Variants in NAPG observed in about 807,000 individuals in gnomAD.
NAPG encodes NSF attachment protein gamma.
NAPG carries 25 observed loss-of-function variants against 48.4 expected under a neutral mutation model. The observed-to-expected ratio is 0.52, with a 90% CI of 0.38 to 0.72. NAPG has a LOEUF of 0.72. Among genes scored for constraint, NAPG ranks in the 30% least tolerant of loss-of-function variants. The pLI is 0.00. For synonymous variants in NAPG, 139 were observed against 127.2 expected, an observed-to-expected ratio of 1.09 and a Z score of -0.62; for missense variants, 359 against 372.5, an observed-to-expected ratio of 0.96 and a Z score of 0.30.
intron 1 of NAPG, 111 bp downstream of exon 1, chr18:10,526,269 C>A: frequency 1.3e-6 from 1 of 771,476 alleles, no homozygotes; most frequent in Non-Finnish European, 2.1e-6. Context: ...TGAGGGGCCT[C>A]GGCGCGCTGG....
intron 1 of NAPG, among the ~76,000 whole-genome samples, chr18:10,530,437 G>A (rs949382055): frequency 6.6e-6 from 1 of 151,936 alleles, no homozygotes; most frequent in African/African-American, 2.4e-5. Context: ...GCACCTTTGA[G>A]CTCGTTAAAC....
chr18:10,533,759 CATA>C (rs1420200118), intron 4 of NAPG, among the ~76,000 whole-genome samples: 1 of 151,874 alleles, frequency 6.6e-6, no homozygotes, highest in Non-Finnish European at 1.5e-5. Flanking sequence ...TTAAATTTGC[CATA>C]ATATTTTATT....
At position 10,533,521 on chromosome 18, in the gene NAPG, G is replaced by T; in HGVS notation, c.210-15G>T. The stretch of plus-strand genomic sequence containing the variant: ...TTCTTTTTTCCTTAACTTTGACTTC[G>T]TTACTTCCATTCAGTCTTTTTCATG... On this transcript the variant is annotated splice_polypyrimidine_tract_variant and intron_variant, in intron 3 of 11. Transcript: ENST00000322897. 1.3e-6 allele frequency: 2 copies of T among 1,588,840 alleles called. No individual in the cohort carries two copies. Among genetic ancestry groups the T allele is most frequent in the Non-Finnish European group, 1.7e-6 (2 of 1,169,020 alleles).
At chr18:10,545,466 A>G (rs2032243697) in intron 8 of NAPG, among the ~76,000 whole-genome samples, 1 of 152,208 alleles carries the variant, frequency 6.6e-6, no homozygotes, top group Non-Finnish European at 1.5e-5. Flanking sequence ...TGTATTCCCA[A>G]TGCCCAGACC....
intron 8 of NAPG, among the ~76,000 whole-genome samples, chr18:10,545,050 G>A (rs1232329098): frequency 1.3e-5 from 2 of 152,110 alleles, no homozygotes; most frequent in Middle Eastern, 3.2e-3. Context: ...GGTGGCTCAC[G>A]TCTATAATCC....
chr18:10,537,336 G>T (rs1241705916), intron 5 of NAPG, among the ~76,000 whole-genome samples: 1 of 152,188 alleles, frequency 6.6e-6, no homozygotes, highest in African/African-American at 2.4e-5. Context: ...GTTTTATACT[G>T]TATTCTTAGA....
intron 5 of NAPG, among the ~76,000 whole-genome samples, chr18:10,537,628 A>G (rs1370547187): frequency 6.6e-6 from 1 of 152,248 alleles, no homozygotes; most frequent in Non-Finnish European, 1.5e-5. Context: ...AATGACCCTC[A>G]GGACTAATGT....
chr18:10,528,976 CT>C (rs1213351601), intron 1 of NAPG, among the ~76,000 whole-genome samples: 1 of 152,108 alleles, frequency 6.6e-6, no homozygotes, highest in Middle Eastern at 3.2e-3. Flanking sequence ...TTGCTGTTTT[CT>C]TTTTTTCTGT....
intron 1 of NAPG, among the ~76,000 whole-genome samples, chr18:10,527,699 C>G (rs868412473): frequency 2.3e-4 from 34 of 150,484 alleles, no homozygotes; most frequent in African/African-American, 7.5e-4. Context: ...AGATTCTGTG[C>G]GCAACCTGTA....
chr18:10,529,657 G>A (rs567810444), intron 1 of NAPG, among the ~76,000 whole-genome samples: 2 of 152,312 alleles, frequency 1.3e-5, no homozygotes, highest in South Asian at 4.1e-4. Context: ...GGAGGCTGAG[G>A]CACGAGAGTC....
chr18:10,538,286 G>A (rs143957652), intron 5 of NAPG, among the ~76,000 whole-genome samples: 66 of 152,250 alleles, frequency 4.3e-4, no homozygotes, highest in Middle Eastern at 3.4e-3. Flanking sequence ...AGTGAAGAGC[G>A]GGGAGAAGCG....
chr18:10,549,227 T>C, intron 11 of NAPG, 131 bp downstream of exon 11: 1 of 1,043,414 alleles, frequency 9.6e-7, no homozygotes, highest in South Asian at 1.7e-5. Flanking sequence ...CTACTACTCA[T>C]AAGGAAACTG....
At position 10,543,232 on chromosome 18, in the gene NAPG, A is replaced by C. The variant is rs965857161; in HGVS notation, c.506+2833A>C. Among the ~76,000 whole-genome samples, 4 of 152,142 alleles carry C rather than the reference A, an allele frequency of 2.6e-5. No homozygotes were observed. The East Asian group carries it at 7.7e-4, about 29-fold the overall frequency. The stretch of plus-strand genomic sequence containing the variant: ...AGAGAAGGTCTATGCCTCTGAGACA[A>C]GGTGTGTGGTCTCAGTGAACCCAAA... On this transcript the variant is annotated intron_variant, in intron 8 of 11. Coordinates refer to ENST00000322897, the MANE Select transcript of NAPG (RefSeq NM_003826.3). The surrounding 1 kb of genome is among the most constrained non-coding windows in gnomAD (Gnocchi z 4.4).
In NAPG at chr18:10,549,408, A is replaced by T. The variant is rs2032339375; in HGVS notation, c.795+312A>T. Among the ~76,000 whole-genome samples the T allele has an allele frequency of 2.6e-5, 4 of 152,076 alleles. 1 individual carries two copies. The South Asian group carries it at 6.2e-4, about 24-fold the overall frequency. On this transcript the variant is annotated intron_variant, in intron 11 of 11. Transcript: ENST00000322897. The stretch of plus-strand genomic sequence containing the variant: ...TGTCCTCTGTAGGTTGCTTTTATTC[A>T]TTTCTTTTAGACGGACTCTCTGAAA...
rs1431581901 is a variant in NAPG, at chr18:10,533,456, CTG to C, written c.210-78_210-77del. Reference sequence around the variant, plus strand: ...CCAACTGGGTCAGTGATTTAGTTAACTGTCTTTAAATAGTTGATCTATAGAAA... The same window carrying C: ...CCAACTGGGTCAGTGATTTAGTTAACTCTTTAAATAGTTGATCTATAGAAA... On this transcript the variant is annotated intron_variant, in intron 3 of 11. Transcript: ENST00000322897. 71 of 1,291,442 alleles carry C rather than the reference CTG, an allele frequency of 5.5e-5. No individual in the cohort carries two copies. The East Asian group carries it at 1.6e-3, about 29-fold the overall frequency. The allele number at this position is 1,291,442 out of a possible 1,614,324, so 80.0% of individuals were successfully genotyped here. A position where few individuals can be genotyped will look rare whatever the true frequency, so the allele number is the denominator to read the frequency against.
intron 1 of NAPG, among the ~76,000 whole-genome samples, chr18:10,528,042 C>T (rs693679): frequency 0.33 from 50,568 of 151,860 alleles, 8,524 homozygotes; most frequent in East Asian, 0.41. Flanking sequence ...AAAAATTAGC[C>T]GGCTGTGGTG....
chr18:10,536,994 T>C (rs1410960511), intron 5 of NAPG, among the ~76,000 whole-genome samples: 1 of 151,782 alleles, frequency 6.6e-6, no homozygotes, highest in Admixed American at 6.6e-5. Flanking sequence ...TCTTGCTCTG[T>C]TGCCCAGGCT....
intron 8 of NAPG, among the ~76,000 whole-genome samples, chr18:10,545,470 C>T (rs575177087): frequency 6.6e-6 from 1 of 152,304 alleles, no homozygotes; most frequent in Admixed American, 6.5e-5. Context: ...TTCCCAATGC[C>T]CAGACCCTGG....
At chr18:10,537,740 C>G (rs2032065946) in intron 5 of NAPG, among the ~76,000 whole-genome samples, 1 of 151,818 alleles carries the variant, frequency 6.6e-6, no homozygotes, top group Non-Finnish European at 1.5e-5. Context: ...GGTTTTATAA[C>G]AAAAAAAGTA....
Sources: gnomAD v4.1 joint callset for allele counts (sites outside exome capture counted in the v4.1 genomes callset) on GRCh38, gnomAD v4.1.1 for gene constraint, Gnocchi (gnomAD v3.1) non-coding constraint, MANE v1.5 for transcripts, NCBI Gene and HGNC (gene_info 2026-07-23, HGNC 2026-07-21) for gene names.